SNTG1: variants seen among roughly 807,000 people sequenced by gnomAD.
SNTG1 encodes syntrophin gamma 1.
Under a neutral mutation model 74.7 loss-of-function variants are expected in SNTG1, and 39 were observed. The observed-to-expected ratio is 0.52, with a 90% confidence interval of 0.40 to 0.68. The LOEUF is 0.68. Among genes scored for constraint, SNTG1 ranks in the 30% least tolerant of loss-of-function variants. The probability of loss-of-function intolerance (pLI) is 0.00; values close to 1 mark genes in which losing one functional copy is unlikely to be tolerated. For missense variants in SNTG1, 685 were observed against 609.5 expected, an observed-to-expected ratio of 1.12 and a Z score of -1.30; for synonymous variants, 254 against 217.1, an observed-to-expected ratio of 1.17 and a Z score of -1.49.
intron 1 of SNTG1, among the ~76,000 whole-genome samples, chr8:50,145,128 G>T (rs951551733): frequency 6.6e-6 from 1 of 152,160 alleles, no homozygotes; most frequent in African/African-American, 2.4e-5. Flanking sequence ...AGGATGCCAG[G>T]AGTGACAGTG....
At chr8:50,208,616 G>T (rs138044296) in intron 2 of SNTG1, among the ~76,000 whole-genome samples, 1,576 of 152,238 alleles carry the variant, frequency 0.01, 15 homozygotes, top group Middle Eastern at 0.051. Context: ...GATGTTAGCT[G>T]GTTATGTTGC....
intron 1 of SNTG1, among the ~76,000 whole-genome samples, chr8:50,050,232 A>G (rs1819452912): frequency 6.6e-6 from 1 of 151,960 alleles, no homozygotes; most frequent in African/African-American, 2.4e-5. Flanking sequence ...AAGAGAGAAG[A>G]CACAAATTAT....
chr8:50,505,050 CTACTTTAG>C (rs2129769315), intron 9 of SNTG1, among the ~76,000 whole-genome samples: 1 of 152,256 alleles, frequency 6.6e-6, no homozygotes, highest in South Asian at 2.1e-4. Flanking sequence ...AAGAATTTGA[CTACTTTAG>C]ACACCTTATG....
chr8:50,660,104 T>C (rs1353140200), intron 15 of SNTG1, among the ~76,000 whole-genome samples: 1 of 151,946 alleles, frequency 6.6e-6, no homozygotes, highest in East Asian at 1.9e-4. Context: ...CCTCCCAAAG[T>C]GTTAGGATTA....
chr8:50,268,059 G>A lies in SNTG1; in HGVS notation c.-28+95424G>A, dbSNP rs572944575. Among the ~76,000 whole-genome samples, 3 of 152,286 alleles carry A rather than the reference G, an allele frequency of 2.0e-5. No individual in the cohort carries two copies. The East Asian group carries it at 5.8e-4, about 29-fold the overall frequency. On this transcript the variant is annotated intron_variant, in intron 2 of 18. Coordinates refer to ENST00000642720, the MANE Select transcript of SNTG1 (RefSeq NM_018967.5). ...CTTCCAGAAACACTATATGAGTTTA[G>A]CAAGGTTACATGACGCAAGACCCAC...
intron 9 of SNTG1, among the ~76,000 whole-genome samples, chr8:50,514,628 A>G (rs1389015673): frequency 6.6e-6 from 1 of 152,128 alleles, no homozygotes; most frequent in Non-Finnish European, 1.5e-5. Context: ...ATTTAATAAG[A>G]TTTGTTTTGT....
chr8:49,919,967 G>C (rs1036074462), intron 1 of SNTG1, among the ~76,000 whole-genome samples: 1 of 152,080 alleles, frequency 6.6e-6, no homozygotes, highest in African/African-American at 2.4e-5. Context: ...TAGAGTCAAA[G>C]TAAGTCAGAT....
chr8:50,547,767 G>A lies in SNTG1; in HGVS notation c.681-5283G>A, dbSNP rs189939209. Among the ~76,000 whole-genome samples, 456 of 152,146 alleles carry A rather than the reference G, an allele frequency of 3.0e-3. 3 individuals are homozygous for A. The highest frequency in any genetic ancestry group is 0.011 in the African/African-American group (444 of 41,526). ...AAAAATTACATTTGATCAAATGATC[G>A]AATATATATTTTCAAAGACCATAAA... On this transcript the variant is annotated intron_variant, in intron 11 of 18. Transcript: ENST00000642720.
At chr8:50,018,155 T>A (rs917715657) in intron 1 of SNTG1, among the ~76,000 whole-genome samples, 1 of 152,004 alleles carries the variant, frequency 6.6e-6, no homozygotes, top group Admixed American at 6.6e-5. Flanking sequence ...TTTGCATAAA[T>A]TTTTATGATG....
rs1292718980 is a variant in SNTG1 at position 50,449,648 on chromosome 8, A to C, written c.220-20A>C. 6.3e-7 allele frequency: 1 copy of C among 1,574,828 alleles called. No homozygotes were observed. Among genetic ancestry groups the C allele is most frequent in the Admixed American group, 1.8e-5 (1 of 56,146 alleles). On this transcript the variant is annotated intron_variant, in intron 5 of 18. Transcript: ENST00000642720. Reference sequence around the variant, plus strand: ...TTTTTTTTAGATTAAAAAGTACAATATATGATTTTCTCTTTTCAGGGAGGA... The same window carrying C: ...TTTTTTTTAGATTAAAAAGTACAATCTATGATTTTCTCTTTTCAGGGAGGA...
intron 1 of SNTG1, among the ~76,000 whole-genome samples, chr8:49,929,143 T>A (rs116236989): frequency 0.012 from 1,788 of 152,288 alleles, 35 homozygotes; most frequent in African/African-American, 0.04. Context: ...CAAGATAACA[T>A]TTATTTAAAA....
At position 50,462,794 on chromosome 8, in the gene SNTG1, C is replaced by CTTTTTTTTTTTTTTTTTTTTTTTT. The variant is rs2093576027; in HGVS notation, c.363+12066_363+12067insTTTTTTTTTTTTTTTTTTTTTTTT. Among the ~76,000 whole-genome samples the CTTTTTTTTTTTTTTTTTTTTTTTT allele has an allele frequency of 2.5e-4, 11 of 43,628 alleles. 5 individuals carry two copies. The highest frequency in any genetic ancestry group is 3.0e-4 in the African/African-American group (4 of 13,402). The allele number at this position is 43,628 out of a possible 152,430, so 28.6% of individuals were successfully genotyped here. On this transcript the variant is annotated intron_variant, in intron 8 of 18. Transcript: ENST00000642720. ...AACTCAGTCGCATCTTCAGGTTCTA[C>CTTTTTTTTTTTTTTTTTTTTTTTT]TCTTTTTTTTTTTTTTTTTTTTTTT... is the stretch of plus-strand genomic sequence containing the variant.
chr8:50,213,854 G>A (rs2084643469), intron 2 of SNTG1, among the ~76,000 whole-genome samples: 1 of 151,674 alleles, frequency 6.6e-6, no homozygotes, highest in Non-Finnish European at 1.5e-5. Flanking sequence ...AGTAGGTTGT[G>A]AAAATTTTCT....
intron 1 of SNTG1, among the ~76,000 whole-genome samples, chr8:49,986,000 A>G (rs1224924559): frequency 6.6e-6 from 1 of 152,230 alleles, no homozygotes; most frequent in Non-Finnish European, 1.5e-5. Context: ...TAGGCTTTAT[A>G]GAAAAGTGTT....
At chr8:50,096,332 AT>A (rs964134122) in intron 1 of SNTG1, among the ~76,000 whole-genome samples, 2 of 152,136 alleles carry the variant, frequency 1.3e-5, no homozygotes, top group African/African-American at 2.4e-5. Flanking sequence ...TGTTTCATTG[AT>A]TTTTTTGGCT....
chr8:50,366,733 G>A (rs952903219), intron 2 of SNTG1, among the ~76,000 whole-genome samples: 3 of 144,458 alleles, frequency 2.1e-5, no homozygotes, highest in Non-Finnish European at 4.5e-5. Context: ...GCATATATAT[G>A]TGAATACATA....
intron 1 of SNTG1, among the ~76,000 whole-genome samples, chr8:49,975,434 G>T (rs553505432): frequency 4.6e-5 from 7 of 152,104 alleles, no homozygotes; most frequent in South Asian, 2.1e-4. Flanking sequence ...TTCATGTTTC[G>T]ATTAATCGCC....
chr8:50,723,893 T>C (rs544473840), intron 17 of SNTG1, among the ~76,000 whole-genome samples: 1 of 152,150 alleles, frequency 6.6e-6, no homozygotes, highest in South Asian at 2.1e-4. Context: ...AGTGAGACCA[T>C]AGCAAGAATG....
chr8:50,673,301 A>G (rs2095293962), intron 15 of SNTG1, among the ~76,000 whole-genome samples: 1 of 152,132 alleles, frequency 6.6e-6, no homozygotes, highest in Non-Finnish European at 1.5e-5. Context: ...GATTCTTCTT[A>G]TCCATGAGGA....
Sources: allele counts gnomAD v4.1 joint callset (sites outside exome capture counted in the v4.1 genomes callset), GRCh38; gene constraint gnomAD v4.1.1; transcripts MANE v1.5; gene names NCBI Gene and HGNC (gene_info 2026-07-23, HGNC 2026-07-21).